The following TRPC4 variants were observed in gnomAD, a reference collection of about 807,000 sequenced individuals.
TRPC4 encodes transient receptor potential cation channel subfamily C member 4, also known as short transient receptor potential channel 4.
A neutral mutation model predicts 99.4 loss-of-function variants in TRPC4; 49 were observed. That is an observed-to-expected ratio of 0.49 (90% CI 0.39 to 0.63). The LOEUF is 0.63. TRPC4 is among the 20% of genes least tolerant of loss of function. The pLI, the probability that TRPC4 is intolerant of heterozygous loss-of-function variation, is 0.00. For missense variants in TRPC4, 898 were observed against 1,152.9 expected (o/e 0.78, Z 3.20); for synonymous variants, 454 against 425.9 (o/e 1.07, Z -0.81).
intron 1 of TRPC4, among the ~76,000 whole-genome samples, chr13:37,813,172 G>A (rs1036908306): frequency 6.6e-6 from 1 of 151,574 alleles, no homozygotes; most frequent in African/African-American, 2.4e-5. Flanking sequence ...AATCAAAGAA[G>A]AAATCATAAG....
intron 3 of TRPC4, among the ~76,000 whole-genome samples, chr13:37,694,444 C>T (rs1953842531): frequency 6.6e-6 from 1 of 152,156 alleles, no homozygotes; most frequent in Admixed American, 6.5e-5. Context: ...AATCTCACTA[C>T]AGCATGGGGC....
intron 4 of TRPC4, among the ~76,000 whole-genome samples, chr13:37,676,577 T>C (rs546427873): frequency 6.6e-6 from 1 of 152,190 alleles, no homozygotes; most frequent in African/African-American, 2.4e-5. Context: ...GTCATCATGT[T>C]GGCCAGGATG....
intron 6 of TRPC4, among the ~76,000 whole-genome samples, chr13:37,657,402 T>C (rs1166440828): frequency 6.6e-6 from 1 of 152,214 alleles, no homozygotes; most frequent in Non-Finnish European, 1.5e-5. Flanking sequence ...CAGGAAAAAG[T>C]AAATTTGGCC....
chr13:37,780,854 G>A (rs559950733), intron 2 of TRPC4, among the ~76,000 whole-genome samples: 123 of 151,870 alleles, frequency 8.1e-4, no homozygotes, highest in African/African-American at 2.8e-3. Context: ...GTTTATTCTC[G>A]GTGCCTTCAC....
intron 1 of TRPC4, among the ~76,000 whole-genome samples, chr13:37,799,016 C>G (rs2139422733): frequency 6.6e-6 from 1 of 151,000 alleles, no homozygotes; most frequent in East Asian, 1.9e-4. Flanking sequence ...ACTGCAACCT[C>G]TGCCTCCTGG....
chr13:37,835,615 G>A (rs1292329577), intron 1 of TRPC4, among the ~76,000 whole-genome samples: 1 of 152,172 alleles, frequency 6.6e-6, no homozygotes, highest in East Asian at 1.9e-4. Context: ...CGTAGCAGAA[G>A]TCACTGGAAA....
At chr13:37,758,514 A>C (rs1264253310) in intron 2 of TRPC4, among the ~76,000 whole-genome samples, 1 of 151,802 alleles carries the variant, frequency 6.6e-6, no homozygotes, top group African/African-American at 2.4e-5. Flanking sequence ...TATTCTTATT[A>C]TCTTACTCAT....
intron 1 of TRPC4, among the ~76,000 whole-genome samples, chr13:37,827,886 C>T (rs1422580215): frequency 1.3e-5 from 2 of 152,182 alleles, no homozygotes; most frequent in Admixed American, 6.5e-5. Flanking sequence ...TGCTGCCTTG[C>T]AGTTTGATCT....
At chr13:37,774,975 T>TGAA (rs34845238) in intron 2 of TRPC4, among the ~76,000 whole-genome samples, 147,486 of 151,578 alleles carry the variant, frequency 0.97, 71,870 homozygotes, top group East Asian at 1. Context: ...TTATGGTTAA[T>TGAA]GAAATTCAAT....
At chr13:37,673,070 T>A (rs1370382490) in intron 5 of TRPC4, among the ~76,000 whole-genome samples, 1 of 151,050 alleles carries the variant, frequency 6.6e-6, no homozygotes, top group Non-Finnish European at 1.5e-5. Flanking sequence ...ACATGAGGTA[T>A]ATCTCCTAGT....
chr13:37,639,377 A>G (rs563330142), intron 8 of TRPC4, 78 bp from the exon 9 acceptor site: 1 of 1,437,042 alleles, frequency 7.0e-7, no homozygotes. Flanking sequence ...TTTTTAATCG[A>G]TAATGTTTTT....
intron 2 of TRPC4, among the ~76,000 whole-genome samples, chr13:37,765,893 G>A (rs1482965286): frequency 1.3e-5 from 2 of 150,970 alleles, no homozygotes; most frequent in Non-Finnish European, 1.5e-5. Flanking sequence ...ATGCACAAAC[G>A]AACATGTACT....
chr13:37,782,952 G>A lies in TRPC4; in HGVS notation c.378+4C>T. 4 of 1,421,688 alleles carry A rather than the reference G, an allele frequency of 2.8e-6. No individual in the cohort carries two copies. The highest frequency in any genetic ancestry group is 2.8e-6 in the Non-Finnish European group (3 of 1,079,790). The allele number at this position is 1,421,688 out of a possible 1,614,324, so 88.1% of individuals were successfully genotyped here. A position where few individuals can be genotyped will look rare whatever the true frequency, so the allele number is the denominator to read the frequency against. On this transcript the variant is annotated splice_donor_region_variant and intron_variant, in intron 2 of 10. Coordinates refer to ENST00000379705, the MANE Select transcript of TRPC4 (RefSeq NM_016179.4). Reference sequence around the variant, plus strand: ...TAAATTAAAAACTGTATTTTTGCAGGTACCTGTTTTTCTCCACTAGGTTTT... The same window carrying A: ...TAAATTAAAAACTGTATTTTTGCAGATACCTGTTTTTCTCCACTAGGTTTT...
intron 8 of TRPC4, among the ~76,000 whole-genome samples, chr13:37,647,283 A>C (rs1046016427): frequency 6.6e-6 from 1 of 152,210 alleles, no homozygotes; most frequent in Non-Finnish European, 1.5e-5. Flanking sequence ...TTACAGAAAA[A>C]TACTTCAAAG....
intron 2 of TRPC4, among the ~76,000 whole-genome samples, chr13:37,761,802 T>C (rs1282140991): frequency 1.3e-5 from 2 of 151,832 alleles, no homozygotes; most frequent in Admixed American, 1.3e-4. Flanking sequence ...CAGTCCCAAT[T>C]ATAGTGCTTG....
chr13:37,648,497 C>T (rs1188664837), intron 8 of TRPC4, among the ~76,000 whole-genome samples: 2 of 151,556 alleles, frequency 1.3e-5, no homozygotes, highest in African/African-American at 4.8e-5. Context: ...GGCATAAATT[C>T]CCAAAGCATC....
chr13:37,728,446 G>A (rs1955133280), intron 3 of TRPC4, among the ~76,000 whole-genome samples: 1 of 151,802 alleles, frequency 6.6e-6, no homozygotes, highest in Non-Finnish European at 1.5e-5. Flanking sequence ...AAATCAAAAA[G>A]TATAAAATAT....
intron 3 of TRPC4, among the ~76,000 whole-genome samples, chr13:37,695,955 C>A (rs772866911): frequency 1.3e-5 from 2 of 151,958 alleles, no homozygotes; most frequent in Non-Finnish European, 1.5e-5. Context: ...AAAACAAAAC[C>A]AAATAAACAA....
At chr13:37,699,572 G>C (rs1208669078) in intron 3 of TRPC4, among the ~76,000 whole-genome samples, 1 of 152,148 alleles carries the variant, frequency 6.6e-6, no homozygotes, top group African/African-American at 2.4e-5. Flanking sequence ...TGAGAATAAT[G>C]AAGAAGACTA....
Sources: allele counts gnomAD v4.1 joint callset (sites outside exome capture counted in the v4.1 genomes callset), GRCh38; gene constraint gnomAD v4.1.1; transcripts MANE v1.5; gene names NCBI Gene and HGNC (gene_info 2026-07-23, HGNC 2026-07-21).